ANKRD44: variants seen among roughly 807,000 people sequenced by gnomAD.
ANKRD44 encodes ankyrin repeat domain 44.
A neutral mutation model predicts 116.0 loss-of-function variants in ANKRD44; 35 were observed. The ratio of observed to expected loss-of-function variants is 0.30; its 90% CI spans 0.23 to 0.40. The LOEUF (loss-of-function observed/expected upper bound fraction) is 0.40, where lower values mean the gene tolerates loss of function less well. ANKRD44 is among the 10% of genes least tolerant of loss of function. The pLI is 1.00. For synonymous variants in ANKRD44, 435 were observed against 461.8 expected (o/e 0.94, Z 0.74); for missense variants, 1,014 against 1,242.6 (o/e 0.82, Z 2.77).
At chr2:197,083,156 C>A (rs1343991747) in intron 14 of ANKRD44, among the ~76,000 whole-genome samples, 1 of 152,160 alleles carries the variant, frequency 6.6e-6, no homozygotes, top group Admixed American at 6.5e-5. Flanking sequence ...GGGATTCAAC[C>A]CAAAGAACAG....
chr2:197,023,193 C>A (rs899740257), intron 17 of ANKRD44, among the ~76,000 whole-genome samples: 1 of 152,178 alleles, frequency 6.6e-6, no homozygotes, highest in Admixed American at 6.5e-5. Flanking sequence ...TAACTCATGC[C>A]ATCTCCACAA....
intron 1 of ANKRD44, among the ~76,000 whole-genome samples, chr2:197,246,161 C>A (rs968165587): frequency 1.8e-4 from 27 of 152,026 alleles, no homozygotes; most frequent in Admixed American, 1.8e-3. Context: ...CCCTGCCTAC[C>A]TAACTCCTAG....
intron 10 of ANKRD44, among the ~76,000 whole-genome samples, chr2:197,099,015 C>A (rs569853371): frequency 1.3e-5 from 2 of 152,154 alleles, no homozygotes; most frequent in Middle Eastern, 3.4e-3. Context: ...CTCTTTTGTT[C>A]CCGCTTTCCT....
rs1038664968 is a variant in ANKRD44 at position 197,262,245 on chromosome 2, C to T, written c.27+48333G>A. Among the ~76,000 whole-genome samples the T allele has an allele frequency of 1.3e-4, 20 of 152,136 alleles. 1 individual carries two copies. Among genetic ancestry groups the T allele is most frequent in the African/African-American group, 4.8e-4 (20 of 41,426 alleles). ...CTGGCAGTATCTTCCTGTAGAGAAA[C>T]AAGAGACAGCTTTTTATTTTAATAA... On this transcript the variant is annotated intron_variant, in intron 1 of 27. Transcript: ENST00000282272.
intron 1 of ANKRD44, among the ~76,000 whole-genome samples, chr2:197,252,669 A>C (rs1254032895): frequency 6.6e-6 from 1 of 152,190 alleles, no homozygotes; most frequent in Non-Finnish European, 1.5e-5. Flanking sequence ...AGCCTGTCTC[A>C]CGCCAGGCAT....
intron 2 of ANKRD44, among the ~76,000 whole-genome samples, chr2:197,170,914 C>T (rs1252281011): frequency 6.6e-6 from 1 of 152,134 alleles, no homozygotes; most frequent in South Asian, 2.1e-4. Flanking sequence ...GGTGGAGATT[C>T]CCTGATGATG....
intron 4 of ANKRD44, among the ~76,000 whole-genome samples, chr2:197,128,295 C>T (rs1181870137): frequency 2.0e-5 from 3 of 152,172 alleles, no homozygotes; most frequent in African/African-American, 7.2e-5. Context: ...GCAACCTCAC[C>T]AGCATCTCTT....
chr2:197,197,827 A>AAAAG (rs200814475), intron 1 of ANKRD44, among the ~76,000 whole-genome samples: 1,658 of 45,066 alleles, frequency 0.037, 21 homozygotes, highest in Non-Finnish European at 0.099. Context: ...AAAAAAAAAA[A>AAAAG]AAAGAAAGAA....
At chr2:197,258,022 A>G (rs886575455) in intron 1 of ANKRD44, among the ~76,000 whole-genome samples, 3 of 152,214 alleles carry the variant, frequency 2.0e-5, no homozygotes, top group African/African-American at 7.2e-5. Context: ...TTCACTTAGC[A>G]TAATATCTTC....
At chr2:197,000,337 CAT>C in intron 23 of ANKRD44, 80 bp downstream of exon 23, 1 of 1,055,332 alleles carries the variant, frequency 9.5e-7, no homozygotes, top group African/African-American at 1.6e-5. Context: ...CAATTAAAAA[CAT>C]AGATGTTTGG....
At chr2:197,244,224 A>G (rs574969707) in intron 1 of ANKRD44, among the ~76,000 whole-genome samples, 4 of 152,208 alleles carry the variant, frequency 2.6e-5, no homozygotes, top group African/African-American at 9.6e-5. Flanking sequence ...GCAGCAACAC[A>G]AAAGGTACAG....
chr2:197,086,160 T>A (rs547625745), intron 13 of ANKRD44, among the ~76,000 whole-genome samples: 1 of 151,746 alleles, frequency 6.6e-6, no homozygotes, highest in Non-Finnish European at 1.5e-5. Context: ...GAAAAAAAAT[T>A]ATATATATAC....
At chr2:197,040,859 G>A (rs945116382) in intron 16 of ANKRD44, among the ~76,000 whole-genome samples, 1 of 152,154 alleles carries the variant, frequency 6.6e-6, no homozygotes, top group Non-Finnish European at 1.5e-5. Context: ...TTCCTCAGAT[G>A]CTCCTTGGAA....
At chr2:197,210,005 A>G (rs1559152033) in intron 1 of ANKRD44, among the ~76,000 whole-genome samples, 1 of 152,206 alleles carries the variant, frequency 6.6e-6, no homozygotes, top group African/African-American at 2.4e-5. Context: ...ATCCACTCCT[A>G]CTACCTAAGA....
chr2:197,295,767 A>G (rs2083701972), intron 1 of ANKRD44, among the ~76,000 whole-genome samples: 1 of 152,166 alleles, frequency 6.6e-6, no homozygotes, highest in Non-Finnish European at 1.5e-5. Context: ...TGAAAAGGTA[A>G]AAGCAAGGCT....
At chr2:196,981,541 T>A (rs6726500) in intron 21 of ANKRD44, among the ~76,000 whole-genome samples, 1 of 152,046 alleles carries the variant, frequency 6.6e-6, no homozygotes, top group African/African-American at 2.4e-5. Flanking sequence ...TGTGGGAGGC[T>A]GAGGCAGGTG....
chr2:196,980,698 A>C (rs999519770), intron 21 of ANKRD44, among the ~76,000 whole-genome samples: 2 of 152,188 alleles, frequency 1.3e-5, no homozygotes, highest in African/African-American at 4.8e-5. Context: ...GAGCCTCATA[A>C]ACACATTTAG....
At position 197,005,869 on chromosome 2, in the gene ANKRD44, T is replaced by C; in HGVS notation, c.2172A>G (p.Glu724=). The change falls in exon 21 of 28, where the codon GAA becomes GAG. Residue 724 remains glutamate (E), a synonymous_variant. Coordinates refer to ENST00000282272, the MANE Select transcript of ANKRD44 (RefSeq NM_001195144.2). Reference sequence around the variant, plus strand: ...CTTTACAGAGAATTGACACTTCTTGTTCCAGCAGCATTTGCACACATTCCT... The same window carrying C: ...CTTTACAGAGAATTGACACTTCTTGCTCCAGCAGCATTTGCACACATTCCT... ...GHEECVQMLL[E]QEVSILCKDS... 6.2e-7 allele frequency: 1 copy of C among 1,614,282 alleles called. No homozygotes were observed. The highest frequency in any genetic ancestry group is 8.5e-7 in the Non-Finnish European group (1 of 1,180,044).
intron 26 of ANKRD44, 101 bp downstream of exon 26, chr2:196,995,278 G>A (rs894094253): frequency 1.4e-6 from 1 of 728,798 alleles, no homozygotes; most frequent in African/African-American, 1.8e-5. Flanking sequence ...TTTCACCACT[G>A]TGCTCCCCAG....
Sources: allele counts gnomAD v4.1 joint callset (sites outside exome capture counted in the v4.1 genomes callset), GRCh38; gene constraint gnomAD v4.1.1; transcripts MANE v1.5; gene names NCBI Gene and HGNC (gene_info 2026-07-23, HGNC 2026-07-21).